The following SAMD3 variants were observed in gnomAD, a reference collection of about 807,000 sequenced individuals.
The protein encoded by SAMD3 is sterile alpha motif domain containing 3.
A neutral mutation model predicts 58.5 loss-of-function variants in SAMD3; 63 were observed. That is an observed-to-expected ratio of 1.08 (90% CI 0.88 to 1.33). The LOEUF is 1.33. SAMD3 is among the 40% of genes most tolerant of loss of function. SAMD3 has a pLI of 0.00. For missense variants in SAMD3, 604 were observed against 608.4 expected (o/e 0.99, Z 0.08); for synonymous variants, 220 against 210.3 (o/e 1.05, Z -0.40).
intron 2 of SAMD3, among the ~76,000 whole-genome samples, chr6:130,249,955 A>G (rs2114907809): frequency 6.6e-6 from 1 of 152,308 alleles, no homozygotes; most frequent in South Asian, 2.1e-4. Context: ...GTAACAACCT[A>G]AAGGAGGGCT....
At chr6:130,352,181 T>A (rs1017821056) in intron 1 of SAMD3, among the ~76,000 whole-genome samples, 1 of 152,078 alleles carries the variant, frequency 6.6e-6, no homozygotes, top group Non-Finnish European at 1.5e-5. Flanking sequence ...ACCTGCACAT[T>A]GTGCACATGT....
intron 9 of SAMD3, among the ~76,000 whole-genome samples, chr6:130,152,932 G>A (rs528552904): frequency 6.6e-6 from 1 of 152,262 alleles, no homozygotes; most frequent in Non-Finnish European, 1.5e-5. Context: ...TCTTTGAAAA[G>A]CTGCTTAACA....
chr6:130,250,802 T>C (rs1216675165), intron 2 of SAMD3, among the ~76,000 whole-genome samples: 1 of 152,244 alleles, frequency 6.6e-6, no homozygotes, highest in Non-Finnish European at 1.5e-5. Context: ...TAATATTCCA[T>C]CGTATTAACA....
intron 9 of SAMD3, among the ~76,000 whole-genome samples, chr6:130,149,036 A>G (rs1480522741): frequency 6.6e-6 from 1 of 152,238 alleles, no homozygotes; most frequent in East Asian, 1.9e-4. Flanking sequence ...TAAATATTAA[A>G]TAGCCATACA....
At chr6:130,301,337 A>G (rs918563475) in intron 2 of SAMD3, among the ~76,000 whole-genome samples, 13 of 152,166 alleles carry the variant, frequency 8.5e-5, no homozygotes, top group African/African-American at 3.1e-4. Context: ...TACAATAGCC[A>G]AACAAAAAAG....
chr6:130,359,468 C>T lies in SAMD3; in HGVS notation c.-304+5652G>A, dbSNP rs114249482. On this transcript the variant is annotated intron_variant, in intron 1 of 13. Coordinates refer to the SAMD3 transcript ENST00000368134. Reference sequence around the variant, plus strand: ...ATTTCCCTCTCTTTGAATTCTGTTACATCCTTGTCTACCTTTTGAAGTCTC... The same window carrying T: ...ATTTCCCTCTCTTTGAATTCTGTTATATCCTTGTCTACCTTTTGAAGTCTC... Among the ~76,000 whole-genome samples, 632 of 152,318 alleles carry T rather than the reference C, an allele frequency of 4.1e-3. 7 individuals carry two copies. The highest frequency in any genetic ancestry group is 0.014 in the African/African-American group (589 of 41,584).
In SAMD3 at chr6:130,222,880, G is replaced by C. The variant is rs1161294636; in HGVS notation, c.-254C>G. On this transcript the variant is annotated 5_prime_UTR_variant, in exon 1 of 12. Transcript: ENST00000439090. ...TTTCTCTTGAAAAATCAAAAGTTCT[G>C]GTGATACTGGGTTCATATTTCTGAA... 6.6e-6 allele frequency: 1 copy of C among 152,100 alleles called. No individual in the cohort carries two copies. The highest frequency in any genetic ancestry group is 1.5e-5 in the Non-Finnish European group (1 of 68,030). The allele number at this position is 152,100 out of a possible 1,614,324, so 9.4% of individuals were successfully genotyped here.
intron 2 of SAMD3, among the ~76,000 whole-genome samples, chr6:130,232,418 G>C (rs1370287073): frequency 6.6e-6 from 1 of 152,110 alleles, no homozygotes; most frequent in Non-Finnish European, 1.5e-5. Context: ...TTACTATCCT[G>C]TTTCATTTTT....
chr6:130,143,466 A>T (rs935263959), downstream of SAMD3, among the ~76,000 whole-genome samples: 1 of 151,890 alleles, frequency 6.6e-6, no homozygotes, highest in East Asian at 1.9e-4. Flanking sequence ...CTGGTCTCGA[A>T]CTCCTGACCT....
intron 3 of SAMD3, 107 bp from the exon 4 acceptor site, chr6:130,214,633 C>A (rs909102289): frequency 4.5e-6 from 3 of 673,074 alleles, no homozygotes; most frequent in Non-Finnish European, 6.8e-6. Context: ...CTAAACTTGT[C>A]CCCTGACATT....
At chr6:130,322,510 G>T (rs932457280) in intron 1 of SAMD3, among the ~76,000 whole-genome samples, 3 of 152,142 alleles carry the variant, frequency 2.0e-5, no homozygotes, top group Non-Finnish European at 4.4e-5. Context: ...GGTGACACAC[G>T]CCTGTAATTC....
At chr6:130,288,483 C>G (rs1293824816) in intron 2 of SAMD3, among the ~76,000 whole-genome samples, 1 of 152,180 alleles carries the variant, frequency 6.6e-6, no homozygotes, top group African/African-American at 2.4e-5. Context: ...ATAGCAACAG[C>G]TAGACTGGTG....
chr6:130,330,730 T>G (rs994066021), intron 1 of SAMD3, among the ~76,000 whole-genome samples: 3 of 151,864 alleles, frequency 2.0e-5, no homozygotes, highest in Non-Finnish European at 4.4e-5. Context: ...TGGAGGTGGC[T>G]TGGGTTTTTC....
In SAMD3 at chr6:130,261,186, C is replaced by T. The variant is rs934915991; in HGVS notation, c.-187-38373G>A. Among the ~76,000 whole-genome samples the T allele has an allele frequency of 6.5e-5, 9 of 137,700 alleles. No homozygotes were observed. The East Asian group carries it at 6.6e-4, about 10-fold the overall frequency. The allele number at this position is 137,700 out of a possible 152,430, so 90.3% of individuals were successfully genotyped here. ...AGTGGAAGCGTGGCCTGATCACCCACGGCGTGCCTTTATCAGCACTTTGGT... is the reference window on the plus strand; with the variant it reads ...AGTGGAAGCGTGGCCTGATCACCCATGGCGTGCCTTTATCAGCACTTTGGT... On this transcript the variant is annotated intron_variant, in intron 2 of 13. Transcript: ENST00000368134.
At chr6:130,153,913 G>A (rs1789484461) in intron 9 of SAMD3, among the ~76,000 whole-genome samples, 1 of 151,780 alleles carries the variant, frequency 6.6e-6, no homozygotes, top group Non-Finnish European at 1.5e-5. Context: ...CTGGGCTCAA[G>A]CAATCCACCC....
At chr6:130,329,049 T>C (rs1027301972) in intron 1 of SAMD3, among the ~76,000 whole-genome samples, 1 of 151,052 alleles carries the variant, frequency 6.6e-6, no homozygotes, top group Non-Finnish European at 1.5e-5. Context: ...TCTCCCTCTC[T>C]CTCTCTCTCT....
At chr6:130,199,191 G>A (rs1021992784) in intron 5 of SAMD3, among the ~76,000 whole-genome samples, 2 of 152,148 alleles carry the variant, frequency 1.3e-5, no homozygotes, top group Non-Finnish European at 2.9e-5. Context: ...CCCACCATTG[G>A]GAGAGAAAGC....
intron 9 of SAMD3, among the ~76,000 whole-genome samples, chr6:130,154,399 C>T (rs1789543937): frequency 6.6e-6 from 1 of 151,834 alleles, no homozygotes; most frequent in African/African-American, 2.4e-5. Flanking sequence ...CCTGTTACCA[C>T]TCCAAGAGGA....
intron 2 of SAMD3, among the ~76,000 whole-genome samples, chr6:130,270,370 G>C (rs564097768): frequency 6.6e-6 from 1 of 152,292 alleles, no homozygotes; most frequent in African/African-American, 2.4e-5. Flanking sequence ...TGGGATTACG[G>C]GCTTGAGCCC....
Sources: allele counts gnomAD v4.1 joint callset (sites outside exome capture counted in the v4.1 genomes callset), GRCh38; gene constraint gnomAD v4.1.1; transcripts MANE v1.5; gene names NCBI Gene and HGNC (gene_info 2026-07-23, HGNC 2026-07-21).